Variants in CELF4 observed in about 807,000 individuals in gnomAD.
The protein encoded by CELF4 is CUGBP Elav-like family member 4, also known as CUG-BP- and ETR-3-like factor 4.
A neutral mutation model predicts 59.9 loss-of-function variants in CELF4; 18 were observed. That is an observed-to-expected ratio of 0.30 (90% CI 0.21 to 0.45). CELF4 has a LOEUF of 0.45. Ranked by LOEUF, CELF4 falls within the 20% of genes least tolerant of loss-of-function variation. The probability of loss-of-function intolerance (pLI) is 1.00; values close to 1 mark genes in which losing one functional copy is unlikely to be tolerated. For synonymous variants in CELF4, 261 were observed against 267.1 expected, an observed-to-expected ratio of 0.98 and a Z score of 0.22; for missense variants, 456 against 689.0, an observed-to-expected ratio of 0.66 and a Z score of 3.79.
chr18:37,530,793 C>A (rs2099968752), intron 1 of CELF4, among the ~76,000 whole-genome samples: 1 of 151,682 alleles, frequency 6.6e-6, no homozygotes, highest in Non-Finnish European at 1.5e-5. Flanking sequence ...CTCTAATCTT[C>A]TCTGGGTTTA....
intron 3 of CELF4, among the ~76,000 whole-genome samples, chr18:37,285,781 T>G (rs1569528153): frequency 6.6e-6 from 1 of 152,138 alleles, no homozygotes. Context: ...GAAGTCACCT[T>G]TTGCTGGGGT....
intron 2 of CELF4, among the ~76,000 whole-genome samples, chr18:37,389,134 G>A (rs2154575166): frequency 6.6e-6 from 1 of 152,336 alleles, no homozygotes; most frequent in Non-Finnish European, 1.5e-5. Flanking sequence ...GAGAGTTGGA[G>A]ATGCACCTGA....
chr18:37,311,788 C>CAAA (rs36044643), intron 3 of CELF4, among the ~76,000 whole-genome samples: 39,289 of 99,588 alleles, frequency 0.39, 7,502 homozygotes, highest in South Asian at 0.5. Context: ...GACTCCGTCT[C>CAAA]AAAAAAAAAA....
chr18:37,524,057 T>C (rs1417986096), intron 1 of CELF4, among the ~76,000 whole-genome samples: 10 of 152,224 alleles, frequency 6.6e-5, no homozygotes, highest in Non-Finnish European at 2.9e-5. Flanking sequence ...TCCGCACCCA[T>C]GGAGCCTCCA....
chr18:37,423,064 G>GCACACACACACA (rs10654318), intron 2 of CELF4, among the ~76,000 whole-genome samples: 46 of 150,520 alleles, frequency 3.1e-4, no homozygotes, highest in South Asian at 2.5e-3. Context: ...GCGCGCGCGC[G>GCACACACACACA]CACACACACA....
chr18:37,540,650 C>T (rs1901038079), intron 1 of CELF4, among the ~76,000 whole-genome samples: 1 of 152,184 alleles, frequency 6.6e-6, no homozygotes, highest in South Asian at 2.1e-4. Context: ...GGCTGACTCA[C>T]CCCTGGACAG....
chr18:37,425,141 AC>A (rs2099603928), intron 2 of CELF4, among the ~76,000 whole-genome samples: 1 of 152,196 alleles, frequency 6.6e-6, no homozygotes, highest in African/African-American at 2.4e-5. Context: ...AAAATCTATT[AC>A]AACTCTCTGG....
intron 1 of CELF4, among the ~76,000 whole-genome samples, chr18:37,512,974 T>C (rs928612021): frequency 5.3e-5 from 8 of 152,062 alleles, no homozygotes; most frequent in African/African-American, 1.9e-4. Context: ...AGCTGGAGAA[T>C]GGGAATTTTG....
In CELF4 at chr18:37,244,494, C is replaced by T. The variant is rs1052603838; in HGVS notation, c.*748G>A. ...GACTTGGATGAGGGTCATCAAAGCG[C>T]CTCTCAAAGTATCAAAGAACTATTA... is the stretch of plus-strand genomic sequence containing the variant. On this transcript the variant is annotated 3_prime_UTR_variant, in exon 13 of 13. Transcript: ENST00000420428. 5 of 152,454 alleles carry T rather than the reference C, an allele frequency of 3.3e-5. No homozygotes were observed. Among genetic ancestry groups the T allele is most frequent in the Non-Finnish European group, 5.9e-5 (4 of 67,994 alleles). The allele number at this position is 152,454 out of a possible 1,614,324, so 9.4% of individuals were successfully genotyped here.
chr18:37,497,785 AAC>A (rs2099926896), intron 1 of CELF4, among the ~76,000 whole-genome samples: 1 of 152,236 alleles, frequency 6.6e-6, no homozygotes, highest in Non-Finnish European at 1.5e-5. Flanking sequence ...GATAGCAGCA[AAC>A]ACTCACTGAT....
chr18:37,559,429 CT>C (rs990793592), intron 1 of CELF4, among the ~76,000 whole-genome samples: 102 of 152,282 alleles, frequency 6.7e-4, no homozygotes, highest in African/African-American at 2.4e-3. Flanking sequence ...TGGGATTTCC[CT>C]TCCAAGTTCA....
chr18:37,555,105 G>A (rs1325139810), intron 1 of CELF4, among the ~76,000 whole-genome samples: 1 of 152,128 alleles, frequency 6.6e-6, no homozygotes, highest in Non-Finnish European at 1.5e-5. Flanking sequence ...GTGCACACTG[G>A]CATCTCCTGG....
chr18:37,276,139 T>C (rs2154367004), intron 3 of CELF4: 1 of 152,302 alleles, frequency 6.6e-6, no homozygotes, highest in African/African-American at 2.4e-5. Context: ...TTTGGGGGCG[T>C]CTGTTCCTGA....
chr18:37,374,192 A>G (rs2098937736), intron 2 of CELF4, among the ~76,000 whole-genome samples: 1 of 152,032 alleles, frequency 6.6e-6, no homozygotes, highest in Non-Finnish European at 1.5e-5. Context: ...TTCACTCTCC[A>G]CCTCACCATG....
intron 2 of CELF4, among the ~76,000 whole-genome samples, chr18:37,425,986 A>T (rs1023101340): frequency 6.6e-6 from 1 of 152,216 alleles, no homozygotes; most frequent in Non-Finnish European, 1.5e-5. Flanking sequence ...CTGGAGGGGA[A>T]ACAGGCTCAT....
chr18:37,383,763 G>A (rs2099068355), intron 2 of CELF4, among the ~76,000 whole-genome samples: 1 of 152,222 alleles, frequency 6.6e-6, no homozygotes. Context: ...GGGGTGCTGT[G>A]TCTTGTACAA....
chr18:37,559,931 A>C (rs905396832), intron 1 of CELF4, among the ~76,000 whole-genome samples: 10 of 152,224 alleles, frequency 6.6e-5, no homozygotes, highest in African/African-American at 2.4e-4. Flanking sequence ...TGTAGGGGGC[A>C]TAGTGATGGC....
chr18:37,279,268 G>C (rs1423289274), intron 3 of CELF4, among the ~76,000 whole-genome samples: 1 of 152,200 alleles, frequency 6.6e-6, no homozygotes, highest in East Asian at 1.9e-4. Flanking sequence ...TTGAGGCAAG[G>C]AGTGGCCTCA....
intron 1 of CELF4, among the ~76,000 whole-genome samples, chr18:37,511,359 G>A (rs758388181): frequency 1.3e-5 from 2 of 152,018 alleles, no homozygotes; most frequent in Non-Finnish European, 1.5e-5. Context: ...GGGTCTCCCC[G>A]CGTCCGGGTC....
Sources: gnomAD v4.1 joint callset for allele counts (sites outside exome capture counted in the v4.1 genomes callset) on GRCh38, gnomAD v4.1.1 for gene constraint, MANE v1.5 for transcripts, NCBI Gene and HGNC (gene_info 2026-07-23, HGNC 2026-07-21) for gene names.